The following OSBPL10 variants were observed in gnomAD, a reference collection of about 807,000 sequenced individuals.
OSBPL10 encodes oxysterol binding protein like 10, also known as oxysterol-binding protein-related protein 10.
In OSBPL10, 49 loss-of-function variants were observed where a neutral mutation model predicts 81.7. The ratio of observed to expected loss-of-function variants is 0.60; its 90% CI spans 0.48 to 0.76. The LOEUF (loss-of-function observed/expected upper bound fraction) is 0.76, where lower values mean the gene tolerates loss of function less well. Among genes scored for constraint, OSBPL10 ranks in the 30% least tolerant of loss-of-function variants. The pLI is 0.00. For missense variants in OSBPL10, 923 were observed against 987.8 expected, an observed-to-expected ratio of 0.93 and a Z score of 0.88; for synonymous variants, 419 against 383.6, an observed-to-expected ratio of 1.09 and a Z score of -1.08.
At chr3:31,812,758 G>T (rs572251244) in intron 4 of OSBPL10, among the ~76,000 whole-genome samples, 1 of 28,362 alleles carries the variant, frequency 3.5e-5, no homozygotes, top group South Asian at 1.9e-3. Context: ...AAGAAAGAAA[G>T]AAAGAAAGAA....
chr3:31,909,029 T>C (rs1465342279), intron 1 of OSBPL10, among the ~76,000 whole-genome samples: 1 of 152,240 alleles, frequency 6.6e-6, no homozygotes, highest in Non-Finnish European at 1.5e-5. Context: ...TGTCTTAGAA[T>C]AAAATGCTAA....
At chr3:31,903,346 T>A (rs1481600373) in intron 1 of OSBPL10, among the ~76,000 whole-genome samples, 2 of 150,968 alleles carry the variant, frequency 1.3e-5, no homozygotes, top group East Asian at 3.9e-4. Flanking sequence ...TTTTTTTTTT[T>A]AGACAAGGTC....
intron 2 of OSBPL10, among the ~76,000 whole-genome samples, chr3:32,005,721 G>A (rs1699199860): frequency 6.6e-6 from 1 of 151,894 alleles, no homozygotes; most frequent in Admixed American, 6.6e-5. Context: ...CTGAGTAGCT[G>A]GGACTAAAGG....
intron 4 of OSBPL10, among the ~76,000 whole-genome samples, chr3:31,822,587 G>A (rs181813629): frequency 5.0e-4 from 76 of 152,046 alleles, no homozygotes; most frequent in Non-Finnish European, 9.9e-4. Context: ...AGTGTGAGCC[G>A]CGTTAAAAAC....
Position 31,938,678 on chromosome 3 carries a change from A to G in OSBPL10, c.281+42221T>C, listed in dbSNP as rs993054160. 2.6e-5 allele frequency among the ~76,000 whole-genome samples: 4 copies of G among 152,164 alleles called. No homozygotes were observed. The South Asian group carries it at 8.3e-4, about 32-fold the overall frequency. On this transcript the variant is annotated intron_variant, in intron 1 of 11. Transcript: ENST00000396556. ...CACACGCCAACTCACCCAGGTAAGT[A>G]GAAATGGGGTTTCACTATGCTGCCC...
intron 2 of OSBPL10, among the ~76,000 whole-genome samples, chr3:32,031,450 G>A (rs370115224): frequency 5.3e-5 from 8 of 151,082 alleles, no homozygotes; most frequent in Admixed American, 6.6e-5. Flanking sequence ...AACCTGAAAG[G>A]CTTCTTAAAT....
chr3:32,059,479 T>TACTATA (rs1318668650), intron 1 of OSBPL10, among the ~76,000 whole-genome samples: 2 of 151,096 alleles, frequency 1.3e-5, no homozygotes, highest in Admixed American at 6.6e-5. Flanking sequence ...TAATCCCAGC[T>TACTATA]ACTCCGGAGG....
chr3:31,878,109 T>G (rs13091847), intron 2 of OSBPL10, among the ~76,000 whole-genome samples: 1 of 152,136 alleles, frequency 6.6e-6, no homozygotes, highest in African/African-American at 2.4e-5. Context: ...TTAGCAATTG[T>G]GATTATTCCA....
chr3:32,077,529 A>C (rs1338888725), exon 1 of OSBPL10: 4 of 152,196 alleles, frequency 2.6e-5, no homozygotes, highest in Non-Finnish European at 5.9e-5. Flanking sequence ...TGCACATTAA[A>C]AGAGTCAAAA....
At chr3:31,915,907 A>G (rs1044574346) in intron 1 of OSBPL10, among the ~76,000 whole-genome samples, 1 of 152,024 alleles carries the variant, frequency 6.6e-6, no homozygotes, top group African/African-American at 2.4e-5. Context: ...CAGCCTGACC[A>G]ATACGGCGAA....
intron 4 of OSBPL10, among the ~76,000 whole-genome samples, chr3:31,804,893 C>CTTACTT (rs1699484961): frequency 6.6e-6 from 1 of 152,094 alleles, no homozygotes; most frequent in Admixed American, 6.5e-5. Flanking sequence ...GGTCAAGGTC[C>CTTACTT]TTACTTTGTG....
At chr3:31,971,334 T>A (rs1298289106) in intron 1 of OSBPL10, among the ~76,000 whole-genome samples, 1 of 152,058 alleles carries the variant, frequency 6.6e-6, no homozygotes, top group East Asian at 1.9e-4. Flanking sequence ...GAGACAGGGT[T>A]TCGCCATGTT....
chr3:31,709,895 A>G (rs1309083055), intron 6 of OSBPL10, among the ~76,000 whole-genome samples: 1 of 152,200 alleles, frequency 6.6e-6, no homozygotes, highest in Non-Finnish European at 1.5e-5. Flanking sequence ...TTAAAACCAA[A>G]TCCAGCGCTG....
At chr3:31,961,372 C>T (rs752815400) in intron 1 of OSBPL10, among the ~76,000 whole-genome samples, 6 of 152,138 alleles carry the variant, frequency 3.9e-5, no homozygotes, top group Non-Finnish European at 4.4e-5. Context: ...GGAAAGCTAG[C>T]GTCTCTGATT....
chr3:31,930,043 C>T (rs1049070975), intron 1 of OSBPL10, among the ~76,000 whole-genome samples: 23 of 144,932 alleles, frequency 1.6e-4, no homozygotes, highest in Admixed American at 7.6e-4. Context: ...TGGTGGCCTA[C>T]GCCTGTAATA....
At chr3:31,744,431 G>A (rs1024781475) in intron 5 of OSBPL10, among the ~76,000 whole-genome samples, 1 of 151,580 alleles carries the variant, frequency 6.6e-6, no homozygotes, top group East Asian at 2.0e-4. Flanking sequence ...CCAGCTACTC[G>A]GGAGGCTGAG....
intron 1 of OSBPL10, among the ~76,000 whole-genome samples, chr3:31,964,117 C>T (rs1163676921): frequency 6.6e-6 from 1 of 152,154 alleles, no homozygotes; most frequent in Non-Finnish European, 1.5e-5. Flanking sequence ...ATATAGCTGT[C>T]AGATGTTTCT....
At position 32,066,007 on chromosome 3, in the gene OSBPL10, G is replaced by GAA. The variant is rs1189173812; in HGVS notation, n.185+11388_185+11389insTT. 4.1e-3 allele frequency among the ~76,000 whole-genome samples: 189 copies of GAA among 46,086 alleles called. 9 individuals carry two copies. The highest frequency in any genetic ancestry group is 0.028 in the East Asian group (13 of 458). The allele number at this position is 46,086 out of a possible 152,430, so 30.2% of individuals were successfully genotyped here. A position where few individuals can be genotyped will look rare whatever the true frequency, so the allele number is the denominator to read the frequency against. On this transcript the variant is annotated intron_variant and non_coding_transcript_variant, in intron 1 of 3. Transcript: ENST00000479173. ...AGAAAGAAAGAAAGAAAGAAAGAAA[G>GAA]AGAAAGAAAGAAAGAAAGAGAGAGA...
chr3:31,895,562 A>G (rs1380389595), intron 1 of OSBPL10, among the ~76,000 whole-genome samples: 2 of 152,192 alleles, frequency 1.3e-5, no homozygotes, highest in East Asian at 3.9e-4. Context: ...ATTGCAGTCA[A>G]CGTGGAGAAT....
Sources: gnomAD v4.1 joint callset for allele counts (sites outside exome capture counted in the v4.1 genomes callset) on GRCh38, gnomAD v4.1.1 for gene constraint, MANE v1.5 for transcripts, NCBI Gene and HGNC (gene_info 2026-07-23, HGNC 2026-07-21) for gene names.